The following OTULINL variants were observed in gnomAD, a reference collection of about 807,000 sequenced individuals.
The protein encoded by OTULINL is OTU deubiquitinase with linear linkage specificity like, also known as inactive ubiquitin thioesterase OTULINL.
In OTULINL, 42 loss-of-function variants were observed where a neutral mutation model predicts 43.9. The ratio of observed to expected loss-of-function variants is 0.96; its 90% CI spans 0.75 to 1.24. OTULINL has a LOEUF of 1.24. Ranked by LOEUF, OTULINL falls within the 50% of genes most tolerant of loss-of-function variation. The pLI is 0.00. For missense variants in OTULINL, 411 were observed against 426.4 expected, an observed-to-expected ratio of 0.96 and a Z score of 0.32; for synonymous variants, 172 against 153.6, an observed-to-expected ratio of 1.12 and a Z score of -0.88.
chr5:14,586,985 A>G (rs902826294), intron 1 of OTULINL, among the ~76,000 whole-genome samples: 3 of 152,244 alleles, frequency 2.0e-5, no homozygotes, highest in South Asian at 2.1e-4. Flanking sequence ...ACCAGTTCCA[A>G]ATGGCTCAGG....
chr5:14,587,180 G>C (rs977041303), intron 1 of OTULINL, among the ~76,000 whole-genome samples: 4 of 152,214 alleles, frequency 2.6e-5, no homozygotes, highest in Non-Finnish European at 5.9e-5. Flanking sequence ...CTAGGTCTTA[G>C]AATAACACCT....
chr5:14,614,587 A>G lies in OTULINL; in HGVS notation c.*4273A>G. 6 of 398,642 alleles carry G rather than the reference A, an allele frequency of 1.5e-5. No homozygotes were observed. Among genetic ancestry groups the G allele is most frequent in the Non-Finnish European group, 2.7e-5 (6 of 226,066 alleles). The allele number at this position is 398,642 out of a possible 1,614,324, so 24.7% of individuals were successfully genotyped here. On this transcript the variant is annotated 3_prime_UTR_variant, in exon 8 of 8. Transcript: ENST00000274217. ...TTTATGCTTAATATCAACATGGTTTATAAGTGGACAGAAAAACACTCACTC... is the reference window on the plus strand; with the variant it reads ...TTTATGCTTAATATCAACATGGTTTGTAAGTGGACAGAAAAACACTCACTC...
At chr5:14,601,292 G>A (rs1437956129) in intron 3 of OTULINL, 48 bp downstream of exon 3, 1 of 1,608,912 alleles carries the variant, frequency 6.2e-7, no homozygotes, top group Non-Finnish European at 8.5e-7. Context: ...GTGCAGAGAG[G>A]GTTCAAGAAG....
chr5:14,582,226 C>T (rs1433186511), intron 1 of OTULINL, among the ~76,000 whole-genome samples: 3 of 151,980 alleles, frequency 2.0e-5, no homozygotes, highest in Non-Finnish European at 2.9e-5. Context: ...GTCGCCTGCC[C>T]GGGCAGGAAA....
chr5:14,589,776 C>A (rs1265183907), intron 1 of OTULINL, among the ~76,000 whole-genome samples: 1 of 152,048 alleles, frequency 6.6e-6, no homozygotes, highest in Non-Finnish European at 1.5e-5. Flanking sequence ...CATGGTAAAA[C>A]CCCTATTTCT....
intron 1 of OTULINL, among the ~76,000 whole-genome samples, chr5:14,583,153 C>T (rs192453025): frequency 6.6e-6 from 1 of 152,286 alleles, no homozygotes; most frequent in East Asian, 1.9e-4. Context: ...TTTTAATTCA[C>T]AGAGCAAACT....
chr5:14,609,023 C>T lies in OTULINL; in HGVS notation c.897+6C>T, dbSNP rs746545794. 27 of 1,600,910 alleles carry T rather than the reference C, an allele frequency of 1.7e-5. No homozygotes were observed. Among genetic ancestry groups the T allele is most frequent in the Admixed American group, 3.4e-5 (2 of 58,792 alleles). ...ACACATGTGGACTAGAGCAGGTAAC[C>T]GGGGAGGAAGAACTGCTTGTATTTG... On this transcript the variant is annotated splice_donor_region_variant and intron_variant, in intron 7 of 7. Transcript: ENST00000274217.
intron 1 of OTULINL, among the ~76,000 whole-genome samples, chr5:14,594,974 T>C (rs1463978445): frequency 1.3e-5 from 2 of 152,180 alleles, no homozygotes; most frequent in African/African-American, 4.8e-5. Context: ...TAACTAACCA[T>C]AATAGGACAT....
At chr5:14,589,977 T>C (rs1364437002) in intron 1 of OTULINL, among the ~76,000 whole-genome samples, 1 of 152,190 alleles carries the variant, frequency 6.6e-6, no homozygotes, top group Non-Finnish European at 1.5e-5. Context: ...AGTTCCTTTT[T>C]AGATAGGCAT....
rs1759617444 is a variant in OTULINL, at chr5:14,613,500, G to GGA, written c.*3192_*3193dup. Among the ~76,000 whole-genome samples the GGA allele has an allele frequency of 6.6e-6, 1 of 152,108 alleles. No individual in the cohort carries two copies. Among genetic ancestry groups the GGA allele is most frequent in the East Asian group, 1.9e-4 (1 of 5,198 alleles). On this transcript the variant is annotated 3_prime_UTR_variant, in exon 8 of 8. Transcript: ENST00000274217. ...GGTACAACCTAGGAGGGAGTCAGGA[G>GGA]GAGAGAGTTAGGTTAGTTAGTACAA...
chr5:14,600,045 T>C (rs925142008), intron 1 of OTULINL, among the ~76,000 whole-genome samples: 6 of 152,138 alleles, frequency 3.9e-5, no homozygotes, highest in African/African-American at 9.7e-5. Context: ...GAGACTGATA[T>C]GGTTTGGCTC....
Position 14,608,905 on chromosome 5 carries a change from A to C in OTULINL, c.785A>C (p.Lys262Thr). 6 of 1,614,222 alleles carry C rather than the reference A, an allele frequency of 3.7e-6. No individual in the cohort carries two copies. Among genetic ancestry groups the C allele is most frequent in the Non-Finnish European group, 5.1e-6 (6 of 1,180,028 alleles). ...TEVYEQMKTK[K>T]VIPSLFRLLF... Reference sequence around the variant, plus strand: ...GTTTATGAACAAATGAAGACTAAAAAGGTCATTCCCAGTCTTTTTAGACTC... The same window carrying C: ...GTTTATGAACAAATGAAGACTAAAACGGTCATTCCCAGTCTTTTTAGACTC... Residue 262 changes from lysine (K) to threonine (T), a missense_variant, in exon 7 of 8, where the codon AAG becomes ACG. Lys to Thr is a moderately conservative substitution (Grantham distance 78, BLOSUM62 -1). Transcript: ENST00000274217.
chr5:14,600,891 AT>A lies in OTULINL; in HGVS notation c.65-66del, dbSNP rs936351129. 6.6e-5 allele frequency: 83 copies of A among 1,257,684 alleles called. No individual in the cohort carries two copies. In the African/African-American group the frequency reaches 7.5e-4, roughly 11 times the overall value. 77.9% of individuals were successfully genotyped at this position (1,257,684 alleles called of 1,614,324 possible). A position where few individuals can be genotyped will look rare whatever the true frequency, so the allele number is the denominator to read the frequency against. ...GTAAAATTATGCAATCTCTCTCTGC[AT>A]TTTTTTTCTCTTAAAGCAAACTTGT... On this transcript the variant is annotated intron_variant, in intron 1 of 7. Coordinates refer to ENST00000274217, the MANE Select transcript of OTULINL (RefSeq NM_019018.3).
At chr5:14,594,713 C>G (rs1579919244) in intron 1 of OTULINL, among the ~76,000 whole-genome samples, 2 of 152,342 alleles carry the variant, frequency 1.3e-5, no homozygotes, top group Admixed American at 1.3e-4. Context: ...TTCCTCTGTA[C>G]AGCACTTCCT....
At chr5:14,599,797 G>T (rs1315179938) in intron 1 of OTULINL, among the ~76,000 whole-genome samples, 1 of 152,186 alleles carries the variant, frequency 6.6e-6, no homozygotes, top group East Asian at 1.9e-4. Context: ...TATTACAAGT[G>T]CACTGTTTGA....
At position 14,613,114 on chromosome 5, in the gene OTULINL, G is replaced by T; in HGVS notation, c.*2800G>T. Among the ~76,000 whole-genome samples, 1 of 152,130 alleles carries T rather than the reference G, an allele frequency of 6.6e-6. No homozygotes were observed. Among genetic ancestry groups the T allele is most frequent in the East Asian group, 1.9e-4 (1 of 5,192 alleles). On this transcript the variant is annotated 3_prime_UTR_variant, in exon 8 of 8. Transcript: ENST00000274217. ...ATTTTTTGTGTTTTTAGTAGAAACG[G>T]GGTTTCACCATTTAGCCAGGCTGAT...
intron 1 of OTULINL, among the ~76,000 whole-genome samples, chr5:14,590,328 C>T (rs144420237): frequency 6.6e-6 from 1 of 152,286 alleles, no homozygotes; most frequent in Non-Finnish European, 1.5e-5. Context: ...TGAAAATCCA[C>T]TGGAGCCAGG....
chr5:14,602,275 G>T lies in OTULINL; in HGVS notation c.441G>T (p.Gln147His), dbSNP rs1450077364. ...ATGCTCTCAGATCAGTGTTATTTCA[G>T]ATATTCAGCCAGGGCATCTCTTTTC... ...NYDALRSVLFQIFSQGISFPS... is the reference protein window; with the variant it reads ...NYDALRSVLFHIFSQGISFPS... The change falls in exon 5 of 8, where the codon CAG (glutamine) becomes CAT (histidine). Residue 147 changes from glutamine to histidine, a missense_variant. Physicochemically the swap from Gln to His is conservative, Grantham distance 24. Coordinates refer to ENST00000274217, the MANE Select transcript of OTULINL (RefSeq NM_019018.3). 6.2e-7 allele frequency: 1 copy of T among 1,613,856 alleles called. No homozygotes were observed. The highest frequency in any genetic ancestry group is 8.5e-7 in the Non-Finnish European group (1 of 1,179,836).
intron 1 of OTULINL, among the ~76,000 whole-genome samples, chr5:14,597,413 T>C (rs1185831826): frequency 6.6e-6 from 1 of 152,186 alleles, no homozygotes; most frequent in Non-Finnish European, 1.5e-5. Context: ...ACTTGCCCCA[T>C]ATCACATGCT....
Sources: allele counts gnomAD v4.1 joint callset (sites outside exome capture counted in the v4.1 genomes callset), GRCh38; gene constraint gnomAD v4.1.1; transcripts MANE v1.5; gene names NCBI Gene and HGNC (gene_info 2026-07-23, HGNC 2026-07-21).